TOP6BL: variants seen among roughly 807,000 people sequenced by gnomAD.
The protein encoded by TOP6BL is type 2 DNA topoisomerase 6 subunit B-like.
the TOP6BL span, chr11:66,815,972 T>G: frequency 1.5e-6 from 2 of 1,354,188 alleles, no homozygotes; most frequent in Non-Finnish European, 2.0e-6. Flanking sequence ...CCTTCTTTGT[T>G]CAGAATACAG....
At chr11:66,761,778 C>A in the TOP6BL span, 1 of 794,230 alleles carries the variant, frequency 1.3e-6, no homozygotes, top group Non-Finnish European at 2.3e-6. Context: ...CATTCAAACT[C>A]GCTGGTGGAC....
At chr11:66,750,115 T>A in the TOP6BL span, among the ~76,000 whole-genome samples, 1 of 152,194 alleles carries the variant, frequency 6.6e-6, no homozygotes, top group African/African-American at 2.4e-5. Flanking sequence ...TTTTTAGAAC[T>A]AGAACTATAC....
At chr11:66,800,928 T>C in the TOP6BL span, 5 of 1,242,064 alleles carry the variant, frequency 4.0e-6, no homozygotes, top group Middle Eastern at 3.7e-4. Context: ...TACTGAATTC[T>C]AGTAATCGCT....
the TOP6BL span, among the ~76,000 whole-genome samples, chr11:66,835,577 C>T: frequency 6.6e-6 from 1 of 152,202 alleles, no homozygotes; most frequent in Admixed American, 6.5e-5. Context: ...CCCAGTTCCC[C>T]TCTCCCTTCA....
the TOP6BL span, among the ~76,000 whole-genome samples, chr11:66,779,457 A>G: frequency 1.1e-4 from 16 of 152,366 alleles, no homozygotes; most frequent in Middle Eastern, 3.4e-3. Context: ...CAAAACCACA[A>G]TGAGATACCA....
chr11:66,775,402 A>T, the TOP6BL span, among the ~76,000 whole-genome samples: 1 of 152,120 alleles, frequency 6.6e-6, no homozygotes, highest in Non-Finnish European at 1.5e-5. Context: ...GCCAGGTGTT[A>T]TTATTTGTTC....
chr11:66,822,814 G>A, the TOP6BL span: 1 of 619,308 alleles, frequency 1.6e-6, no homozygotes, highest in Non-Finnish European at 2.9e-6. Context: ...CACCAGCCTG[G>A]GCAACACAGG....
chr11:66,760,053 T>C, the TOP6BL span, among the ~76,000 whole-genome samples: 1 of 152,260 alleles, frequency 6.6e-6, no homozygotes, highest in Non-Finnish European at 1.5e-5. Context: ...AATGAATTGT[T>C]AATTTACAAA....
At chr11:66,814,141 T>C in the TOP6BL span, 1 of 1,117,794 alleles carries the variant, frequency 8.9e-7, no homozygotes, top group Non-Finnish European at 1.2e-6. Context: ...GGTTGGGGTT[T>C]GGGGGTCAGG....
the TOP6BL span, among the ~76,000 whole-genome samples, chr11:66,808,780 CAAAG>C: frequency 1.3e-5 from 2 of 151,830 alleles, no homozygotes; most frequent in Non-Finnish European, 2.9e-5. Context: ...AAAAATAAAA[CAAAG>C]AGACAAGTTA....
At chr11:66,801,842 T>A in the TOP6BL span, among the ~76,000 whole-genome samples, 32 of 151,644 alleles carry the variant, frequency 2.1e-4, no homozygotes, top group African/African-American at 7.5e-4. Flanking sequence ...AAAAAATAAA[T>A]AAATAAAAAA....
the TOP6BL span, among the ~76,000 whole-genome samples, chr11:66,746,159 C>T: frequency 6.6e-6 from 1 of 152,180 alleles, no homozygotes; most frequent in Non-Finnish European, 1.5e-5. Flanking sequence ...TTAGACTCTA[C>T]ACGTACCTGG....
At chr11:66,794,907 C>G in the TOP6BL span, among the ~76,000 whole-genome samples, 1 of 152,174 alleles carries the variant, frequency 6.6e-6, no homozygotes, top group African/African-American at 2.4e-5. Context: ...CCGAGGTGGG[C>G]AGATCACCTG....
the TOP6BL span, chr11:66,745,002 G>C: frequency 3.3e-6 from 4 of 1,215,302 alleles, no homozygotes; most frequent in Non-Finnish European, 4.1e-6. Flanking sequence ...TTGGGCAGAG[G>C]GGTCGGGCGT....
chr11:66,751,835 CT>C, the TOP6BL span, among the ~76,000 whole-genome samples: 54 of 152,178 alleles, frequency 3.5e-4, no homozygotes, highest in African/African-American at 1.2e-3. Flanking sequence ...ACTATGATTA[CT>C]TTTCTTTATA....
chr11:66,825,840 G>A, the TOP6BL span, among the ~76,000 whole-genome samples: 1 of 148,732 alleles, frequency 6.7e-6, no homozygotes, highest in African/African-American at 2.5e-5. Flanking sequence ...CATATTTGTT[G>A]CTTTTTTTTT....
chr11:66,761,467 A>G, the TOP6BL span: 2 of 350,754 alleles, frequency 5.7e-6, no homozygotes, highest in Middle Eastern at 1.0e-3. Flanking sequence ...TTTTTTCCCC[A>G]TGATATTAGG....
chr11:66,816,202 A>G, the TOP6BL span: 1 of 1,608,108 alleles, frequency 6.2e-7, no homozygotes, highest in East Asian at 2.2e-5. Context: ...AATCTGGGGT[A>G]AGTATAAGAG....
chr11:66,781,516 A>G, the TOP6BL span, among the ~76,000 whole-genome samples: 2 of 152,120 alleles, frequency 1.3e-5, no homozygotes, highest in African/African-American at 4.8e-5. Flanking sequence ...TAAATGTAAT[A>G]TCTGTACCAT....
Sources: gnomAD v4.1 joint callset for allele counts (sites outside exome capture counted in the v4.1 genomes callset) on GRCh38, gnomAD v4.1.1 for gene constraint, MANE v1.5 for transcripts, NCBI Gene and HGNC (gene_info 2026-07-23, HGNC 2026-07-21) for gene names.